The following SHROOM3 variants were observed in gnomAD, a reference collection of about 807,000 sequenced individuals.
SHROOM3 encodes the protein protein Shroom3.
In SHROOM3, 47 loss-of-function variants were observed where a neutral mutation model predicts 138.6. The ratio of observed to expected loss-of-function variants is 0.34; its 90% CI spans 0.27 to 0.43. The LOEUF (loss-of-function observed/expected upper bound fraction) is 0.43, where lower values mean the gene tolerates loss of function less well. SHROOM3 is among the 20% of genes least tolerant of loss of function. The pLI is 1.00. For missense variants in SHROOM3, 2,491 were observed against 2,596.5 expected, an observed-to-expected ratio of 0.96 and a Z score of 0.88; for synonymous variants, 1,062 against 1,063.3, an observed-to-expected ratio of 1.00 and a Z score of 0.02.
intron 1 of SHROOM3, among the ~76,000 whole-genome samples, chr4:76,464,882 C>A (rs1267461454): frequency 6.6e-6 from 1 of 152,142 alleles, no homozygotes; most frequent in African/African-American, 2.4e-5. Flanking sequence ...TCCTGTAGAG[C>A]CTGCAGGACT....
At chr4:76,710,356 T>C in intron 3 of SHROOM3, 69 bp downstream of exon 3, 1 of 1,594,596 alleles carries the variant, frequency 6.3e-7, no homozygotes, top group Non-Finnish European at 8.6e-7. Flanking sequence ...ACTCAGCTGC[T>C]GGGAGAGGAG....
chr4:76,500,169 A>T (rs1283141659), intron 1 of SHROOM3, among the ~76,000 whole-genome samples: 1 of 151,826 alleles, frequency 6.6e-6, no homozygotes, highest in African/African-American at 2.4e-5. Context: ...CCAGATCTAT[A>T]CCCTCCTCTT....
intron 1 of SHROOM3, among the ~76,000 whole-genome samples, chr4:76,512,686 A>G (rs1264355004): frequency 6.6e-6 from 1 of 152,158 alleles, no homozygotes; most frequent in Non-Finnish European, 1.5e-5. Context: ...ACCTGGACCT[A>G]AGGGACTTGT....
intron 1 of SHROOM3, among the ~76,000 whole-genome samples, chr4:76,537,027 C>T (rs1358315078): frequency 1.3e-5 from 2 of 152,116 alleles, no homozygotes; most frequent in Non-Finnish European, 2.9e-5. Flanking sequence ...GCAGGAGAAT[C>T]ACTTGAACCC....
chr4:76,599,175 G>C (rs1734451935), intron 2 of SHROOM3, among the ~76,000 whole-genome samples: 5 of 152,094 alleles, frequency 3.3e-5, no homozygotes, highest in Admixed American at 3.3e-4. Flanking sequence ...TTGCCATAGT[G>C]TGTGCTGAGG....
chr4:76,475,000 A>G (rs1422032707), intron 1 of SHROOM3, among the ~76,000 whole-genome samples: 1 of 152,082 alleles, frequency 6.6e-6, no homozygotes, highest in Non-Finnish European at 1.5e-5. Flanking sequence ...TTAGTCTAGC[A>G]TCATTTTGAT....
rs768281121 is a variant in SHROOM3, at chr4:76,739,886, G to A, written c.1713G>A (p.Leu571=). ...CTGAAAATGAGGAGGATGCCTCCCT[G>A]AAGAGACATCTCACACCTCCCCAAG... is the stretch of plus-strand genomic sequence containing the variant. ...SVPENEEDAS[L]KRHLTPPQGN... The change falls in exon 5 of 11, where the codon CTG becomes CTA. Residue 571 remains leucine, a synonymous_variant. Coordinates refer to ENST00000296043, the MANE Select transcript of SHROOM3 (RefSeq NM_020859.4). 1.2e-6 allele frequency: 2 copies of A among 1,614,202 alleles called. No homozygotes were observed. Among genetic ancestry groups the A allele is most frequent in the South Asian group, 2.2e-5 (2 of 91,090 alleles).
At chr4:76,461,099 T>TAAA (rs747579768) in intron 1 of SHROOM3, among the ~76,000 whole-genome samples, 13 of 152,112 alleles carry the variant, frequency 8.5e-5, no homozygotes, top group Non-Finnish European at 1.3e-4. Flanking sequence ...ATCACCTCTT[T>TAAA]AAAAGCCCTA....
chr4:76,454,117 C>T (rs1465257798), intron 1 of SHROOM3, among the ~76,000 whole-genome samples: 2 of 152,182 alleles, frequency 1.3e-5, no homozygotes, highest in African/African-American at 4.8e-5. Context: ...CGTCTCAGCT[C>T]ACTGCAACCT....
At chr4:76,603,278 T>A (rs1232746373) in intron 2 of SHROOM3, among the ~76,000 whole-genome samples, 2 of 151,998 alleles carry the variant, frequency 1.3e-5, no homozygotes, top group Non-Finnish European at 2.9e-5. Flanking sequence ...ATTAGCTGGG[T>A]GTGGTCGCAC....
At chr4:76,579,261 A>C (rs985105257) in intron 2 of SHROOM3, among the ~76,000 whole-genome samples, 1 of 151,874 alleles carries the variant, frequency 6.6e-6, no homozygotes, top group African/African-American at 2.4e-5. Context: ...GAGGTCAAGA[A>C]ATCGAGACCA....
intron 1 of SHROOM3, among the ~76,000 whole-genome samples, chr4:76,533,733 T>G (rs1224085768): frequency 6.6e-6 from 1 of 152,332 alleles, no homozygotes; most frequent in East Asian, 1.9e-4. Context: ...ATCAGCTGTT[T>G]GGATGTAAAA....
At chr4:76,473,487 T>A (rs1197185742) in intron 1 of SHROOM3, among the ~76,000 whole-genome samples, 1 of 152,048 alleles carries the variant, frequency 6.6e-6, no homozygotes, top group East Asian at 1.9e-4. Flanking sequence ...CATGTACCTG[T>A]AGTCCTAACT....
chr4:76,479,227 C>T (rs1041568285), intron 1 of SHROOM3, among the ~76,000 whole-genome samples: 1 of 151,720 alleles, frequency 6.6e-6, no homozygotes, highest in African/African-American at 2.4e-5. Context: ...GGCTAAGAAC[C>T]TTGAAAAAAG....
chr4:76,629,214 A>G (rs2110071571), intron 2 of SHROOM3, among the ~76,000 whole-genome samples: 1 of 152,304 alleles, frequency 6.6e-6, no homozygotes, highest in South Asian at 2.1e-4. Context: ...GGAGATGAAG[A>G]TGGTAGCTAT....
At chr4:76,662,799 T>C (rs1009477237) in intron 2 of SHROOM3, among the ~76,000 whole-genome samples, 2 of 152,154 alleles carry the variant, frequency 1.3e-5, no homozygotes, top group Non-Finnish European at 2.9e-5. Context: ...GGAAGATTGC[T>C]TGAGCCTAGG....
chr4:76,679,781 G>T (rs1200746503), intron 2 of SHROOM3, among the ~76,000 whole-genome samples: 1 of 152,066 alleles, frequency 6.6e-6, no homozygotes, highest in African/African-American at 2.4e-5. Context: ...CACTCCCCAG[G>T]CACATTCTCC....
At chr4:76,593,663 G>A (rs2110050441) in intron 2 of SHROOM3, among the ~76,000 whole-genome samples, 1 of 152,270 alleles carries the variant, frequency 6.6e-6, no homozygotes, top group East Asian at 1.9e-4. Context: ...TGACTTCTAA[G>A]ATCCCTTCCA....
At chr4:76,589,270 C>T (rs1734213199) in intron 2 of SHROOM3, among the ~76,000 whole-genome samples, 1 of 152,172 alleles carries the variant, frequency 6.6e-6, no homozygotes, top group African/African-American at 2.4e-5. Context: ...GAGTTTGAGA[C>T]CAGCCTGACC....
Sources: allele counts gnomAD v4.1 joint callset (sites outside exome capture counted in the v4.1 genomes callset), GRCh38; gene constraint gnomAD v4.1.1; transcripts MANE v1.5; gene names NCBI Gene and HGNC (gene_info 2026-07-23, HGNC 2026-07-21).